GOLM2: variants seen among roughly 807,000 people sequenced by gnomAD.
GOLM2 encodes golgi membrane protein 2.
In GOLM2, 26 loss-of-function variants were observed where a neutral mutation model predicts 55.9. The observed-to-expected ratio is 0.47, with a 90% CI of 0.34 to 0.65. The LOEUF (loss-of-function observed/expected upper bound fraction) is 0.65, where lower values mean the gene tolerates loss of function less well. GOLM2 is among the 30% of genes least tolerant of loss of function. The pLI is 0.01. For synonymous variants in GOLM2, 165 were observed against 194.6 expected (o/e 0.85, Z 1.27); for missense variants, 486 against 531.8 (o/e 0.91, Z 0.85).
intron 3 of GOLM2, among the ~76,000 whole-genome samples, chr15:44,330,005 G>C (rs1415392307): frequency 6.7e-6 from 1 of 150,044 alleles, no homozygotes; most frequent in Non-Finnish European, 1.5e-5. Context: ...CTGCCTCCCG[G>C]GTTCACACCA....
At chr15:44,309,187 G>T (rs1165494068) in intron 1 of GOLM2, among the ~76,000 whole-genome samples, 1 of 152,168 alleles carries the variant, frequency 6.6e-6, no homozygotes, top group Non-Finnish European at 1.5e-5. Flanking sequence ...AACATTGTTG[G>T]TGGGAATGTA....
chr15:44,297,588 G>A (rs1283804085), intron 1 of GOLM2, among the ~76,000 whole-genome samples: 1 of 150,276 alleles, frequency 6.7e-6, no homozygotes, highest in Non-Finnish European at 1.5e-5. Context: ...TTGAGGCAGA[G>A]TCTTGCTCTG....
At chr15:44,382,969 C>T (rs989999601) in intron 8 of GOLM2, among the ~76,000 whole-genome samples, 1 of 150,640 alleles carries the variant, frequency 6.6e-6, no homozygotes, top group African/African-American at 2.4e-5. Context: ...TAAACCCTCA[C>T]TCCATATTAT....
chr15:44,362,697 A>G (rs1182810074), intron 6 of GOLM2, among the ~76,000 whole-genome samples: 2 of 152,168 alleles, frequency 1.3e-5, no homozygotes, highest in Admixed American at 1.3e-4. Flanking sequence ...AACTACTTTA[A>G]AGTTCATATG....
intron 6 of GOLM2, among the ~76,000 whole-genome samples, chr15:44,349,259 CAAAAAAAAA>C (rs144376603): frequency 3.2e-5 from 2 of 63,452 alleles, no homozygotes; most frequent in Non-Finnish European, 6.9e-5. Flanking sequence ...AACTCCGTCT[CAAAAAAAAA>C]AAAAAAAACC....
intron 8 of GOLM2, chr15:44,390,170 A>T (rs555123334): frequency 6.6e-6 from 1 of 152,342 alleles, no homozygotes; most frequent in Admixed American, 6.5e-5. Context: ...TATTTGGGTT[A>T]GTTTAATTTA....
chr15:44,361,231 C>T (rs1789958083), intron 6 of GOLM2, among the ~76,000 whole-genome samples: 1 of 151,914 alleles, frequency 6.6e-6, no homozygotes, highest in Non-Finnish European at 1.5e-5. Context: ...AAAAGAGACA[C>T]AAAAAACCCT....
rs867597876 is a variant in GOLM2, at chr15:44,315,098, C to T, written c.328-7867C>T. 5.3e-5 allele frequency among the ~76,000 whole-genome samples: 8 copies of T among 152,260 alleles called. 1 individual carries two copies. The Middle Eastern group carries it at 0.024, about 453-fold the overall frequency. On this transcript the variant is annotated intron_variant, in intron 1 of 9. Coordinates refer to ENST00000299957, the MANE Select transcript of GOLM2 (RefSeq NM_138423.4). ...TAAAATTAAAATTCCTGGGCCTTTC[C>T]CAGACTACTGAATCAGACTGGAAGT...
intron 6 of GOLM2, among the ~76,000 whole-genome samples, chr15:44,342,776 A>G (rs1460388042): frequency 6.6e-6 from 1 of 152,200 alleles, no homozygotes; most frequent in Non-Finnish European, 1.5e-5. Flanking sequence ...GGAGCTCCCT[A>G]CATGCTGCCT....
intron 8 of GOLM2, among the ~76,000 whole-genome samples, chr15:44,402,293 T>C (rs1024516715): frequency 3.0e-4 from 45 of 152,288 alleles, no homozygotes; most frequent in African/African-American, 1.1e-3. Context: ...CTAGGGATTC[T>C]GATGGCTTAC....
At chr15:44,408,583 C>G (rs1476809708) in intron 9 of GOLM2, among the ~76,000 whole-genome samples, 1 of 152,170 alleles carries the variant, frequency 6.6e-6, no homozygotes, top group African/African-American at 2.4e-5. Flanking sequence ...ATTTTAGGAA[C>G]TAGATCATGT....
intron 6 of GOLM2, among the ~76,000 whole-genome samples, chr15:44,369,070 TATA>T (rs1567037155): frequency 0.011 from 193 of 16,952 alleles, 12 homozygotes; most frequent in African/African-American, 0.058. Flanking sequence ...GGATATATTA[TATA>T]TATATATATA....
At chr15:44,321,292 C>T (rs2078946775) in intron 1 of GOLM2, among the ~76,000 whole-genome samples, 2 of 151,802 alleles carry the variant, frequency 1.3e-5, no homozygotes, top group South Asian at 4.2e-4. Context: ...GACAACATAG[C>T]AAGACCTCAT....
intron 8 of GOLM2, among the ~76,000 whole-genome samples, chr15:44,388,889 C>A (rs569309019): frequency 6.6e-6 from 1 of 152,040 alleles, no homozygotes; most frequent in South Asian, 2.1e-4. Flanking sequence ...GATCTTGGCT[C>A]ACTGCAAGCT....
At chr15:44,395,157 C>A (rs1244759627) in intron 8 of GOLM2, among the ~76,000 whole-genome samples, 2 of 151,394 alleles carry the variant, frequency 1.3e-5, no homozygotes, top group African/African-American at 4.8e-5. Context: ...ACTACAGGCG[C>A]CCGCCACCAC....
intron 6 of GOLM2, among the ~76,000 whole-genome samples, chr15:44,373,320 A>T (rs1392543457): frequency 6.6e-6 from 1 of 150,512 alleles, no homozygotes; most frequent in Non-Finnish European, 1.5e-5. Flanking sequence ...AGCCGGGCGC[A>T]GTGGCGGGCG....
chr15:44,385,378 T>TC (rs988452072), intron 8 of GOLM2, among the ~76,000 whole-genome samples: 1 of 125,600 alleles, frequency 8.0e-6, no homozygotes. Flanking sequence ...CTTCCTTCCT[T>TC]CCCCCCGCCA....
chr15:44,304,647 G>A (rs2078824283), intron 1 of GOLM2, among the ~76,000 whole-genome samples: 1 of 151,340 alleles, frequency 6.6e-6, no homozygotes, highest in Admixed American at 6.6e-5. Flanking sequence ...TCAACCTCCT[G>A]GGGTCAAGCA....
intron 1 of GOLM2, among the ~76,000 whole-genome samples, chr15:44,317,269 T>A (rs1299984091): frequency 1.3e-5 from 2 of 151,490 alleles, no homozygotes; most frequent in African/African-American, 4.9e-5. Context: ...CCCAGCTACT[T>A]GGGAGGCTGA....
Sources: gnomAD v4.1 joint callset for allele counts (sites outside exome capture counted in the v4.1 genomes callset) on GRCh38, gnomAD v4.1.1 for gene constraint, MANE v1.5 for transcripts, NCBI Gene and HGNC (gene_info 2026-07-23, HGNC 2026-07-21) for gene names.